The following AUTS2 variants were observed in gnomAD, a reference collection of about 807,000 sequenced individuals.
AUTS2 encodes activator of transcription and developmental regulator AUTS2, also known as autism susceptibility gene 2 protein.
Under a neutral mutation model 112.4 loss-of-function variants are expected in AUTS2, and 17 were observed. That is an observed-to-expected ratio of 0.15 (90% CI 0.10 to 0.23). The LOEUF is 0.23. AUTS2 is among the 10% of genes least tolerant of loss of function. The pLI, the probability that AUTS2 is intolerant of heterozygous loss-of-function variation, is 1.00. For missense variants in AUTS2, 1,510 were observed against 1,701.6 expected, an observed-to-expected ratio of 0.89 and a Z score of 1.98; for synonymous variants, 751 against 702.7, an observed-to-expected ratio of 1.07 and a Z score of -1.09.
Position 70,682,734 on chromosome 7 carries a change from C to G in AUTS2, c.691-15835C>G, listed in dbSNP as rs191791184. ...ATACAATGCTGCCATTAGGGCAGGGCTCTGCAGAGAAGCTTCCTCTCTGTT... is the reference window on the plus strand; with the variant it reads ...ATACAATGCTGCCATTAGGGCAGGGGTCTGCAGAGAAGCTTCCTCTCTGTT... On this transcript the variant is annotated intron_variant, in intron 5 of 18. Coordinates refer to ENST00000342771, the MANE Select transcript of AUTS2 (RefSeq NM_015570.4). 1.5e-3 allele frequency among the ~76,000 whole-genome samples: 235 copies of G among 152,336 alleles called. 1 individual carries two copies. Among genetic ancestry groups the G allele is most frequent in the African/African-American group, 5.5e-3 (229 of 41,570 alleles).
intron 4 of AUTS2, among the ~76,000 whole-genome samples, chr7:70,329,215 A>G (rs1790634401): frequency 6.6e-6 from 1 of 152,200 alleles, no homozygotes; most frequent in African/African-American, 2.4e-5. Flanking sequence ...CCTTTTGGCT[A>G]TTGTGAACAG....
intron 6 of AUTS2, among the ~76,000 whole-genome samples, chr7:70,753,316 G>T (rs1322223311): frequency 6.6e-6 from 1 of 152,114 alleles, no homozygotes; most frequent in Admixed American, 6.6e-5. Context: ...GCCCTCAGAG[G>T]TTTGTGATAC....
chr7:70,280,528 CCTTGTGATCCACCT>C (rs1788165968), intron 4 of AUTS2, among the ~76,000 whole-genome samples: 1 of 150,044 alleles, frequency 6.7e-6, no homozygotes, highest in South Asian at 2.1e-4. Context: ...GATCTTTTGA[CCTTGTGATCCACCT>C]GCCTCGGCCT....
intron 1 of AUTS2, among the ~76,000 whole-genome samples, chr7:69,727,419 G>A (rs1217185886): frequency 2.6e-5 from 4 of 151,708 alleles, no homozygotes; most frequent in Non-Finnish European, 4.4e-5. Context: ...GTGAAACCCC[G>A]TCTCTACTAA....
intron 5 of AUTS2, among the ~76,000 whole-genome samples, chr7:70,546,554 G>A (rs556335486): frequency 1.3e-4 from 20 of 152,228 alleles, no homozygotes; most frequent in African/African-American, 3.1e-4. Context: ...CAAGATGGGC[G>A]GATCACGAGG....
Position 70,070,146 on chromosome 7 carries a change from G to A in AUTS2, c.523-47986G>A, listed in dbSNP as rs1434377006. On this transcript the variant is annotated intron_variant, in intron 2 of 18. Coordinates refer to ENST00000342771, the MANE Select transcript of AUTS2 (RefSeq NM_015570.4). ...CGTTTCATGTTTTCTGGTATTCTGG[G>A]CCTCCCAATAGCCATTTGTGCCTAA... Among the ~76,000 whole-genome samples, 6 of 152,220 alleles carry A rather than the reference G, an allele frequency of 3.9e-5. No individual in the cohort carries two copies. The South Asian group carries it at 8.3e-4, about 21-fold the overall frequency.
chr7:70,451,800 T>C (rs1796545666), intron 5 of AUTS2, among the ~76,000 whole-genome samples: 3 of 152,178 alleles, frequency 2.0e-5, no homozygotes, highest in African/African-American at 7.2e-5. Flanking sequence ...TTTTAACATC[T>C]AACTTCCAGT....
chr7:69,640,108 A>G (rs138416632), intron 1 of AUTS2, among the ~76,000 whole-genome samples: 233 of 152,356 alleles, frequency 1.5e-3, no homozygotes, highest in Non-Finnish European at 2.1e-3. Context: ...GTTTTTCCAC[A>G]TGATCAAGTA....
intron 2 of AUTS2, among the ~76,000 whole-genome samples, chr7:70,052,420 T>C (rs1470367979): frequency 6.6e-6 from 1 of 152,186 alleles, no homozygotes; most frequent in Non-Finnish European, 1.5e-5. Context: ...ACAGATGGTA[T>C]TGTATCCATT....
chr7:70,574,529 C>G (rs1320093973), intron 5 of AUTS2, among the ~76,000 whole-genome samples: 2 of 152,142 alleles, frequency 1.3e-5, no homozygotes, highest in East Asian at 3.9e-4. Flanking sequence ...GTACAAGCAA[C>G]GTTTGAACTC....
chr7:70,364,128 T>C lies in AUTS2; in HGVS notation c.661-71624T>C, dbSNP rs1294827419. 2.0e-5 allele frequency among the ~76,000 whole-genome samples: 3 copies of C among 152,176 alleles called. No individual in the cohort carries two copies. The East Asian group carries it at 5.8e-4, about 29-fold the overall frequency. ...GGTGATCATATGCCTTCAAATATCATGTTGACAATTATCACGTTGATATGG... is the reference window on the plus strand; with the variant it reads ...GGTGATCATATGCCTTCAAATATCACGTTGACAATTATCACGTTGATATGG... On this transcript the variant is annotated intron_variant, in intron 4 of 18. Transcript: ENST00000342771.
At chr7:69,622,930 C>T (rs1793743704) in intron 1 of AUTS2, among the ~76,000 whole-genome samples, 2 of 152,170 alleles carry the variant, frequency 1.3e-5, no homozygotes, top group African/African-American at 4.8e-5. Flanking sequence ...ATTACCACAC[C>T]TGGATGGGTG....
chr7:70,568,834 G>A (rs1190059258), intron 5 of AUTS2, among the ~76,000 whole-genome samples: 1 of 152,240 alleles, frequency 6.6e-6, no homozygotes, highest in South Asian at 2.1e-4. Flanking sequence ...TTTGCAGAAT[G>A]CCAAGTAAGC....
intron 2 of AUTS2, among the ~76,000 whole-genome samples, chr7:69,932,527 T>C (rs1025419634): frequency 2.6e-5 from 4 of 152,250 alleles, no homozygotes; most frequent in African/African-American, 9.6e-5. Flanking sequence ...CAGTAAACTT[T>C]GGCTAAGATA....
At chr7:70,437,272 A>C (rs889866037) in intron 5 of AUTS2, 1 of 151,950 alleles carries the variant, frequency 6.6e-6, no homozygotes, top group Non-Finnish European at 1.5e-5. Flanking sequence ...TGGAAGTAGG[A>C]CTCCTGGTGT....
At chr7:70,313,281 G>T (rs2129615792) in intron 4 of AUTS2, among the ~76,000 whole-genome samples, 1 of 152,326 alleles carries the variant, frequency 6.6e-6, no homozygotes, top group South Asian at 2.1e-4. Context: ...GTTGTGCTAA[G>T]TATTAGCTGA....
chr7:70,577,349 G>A (rs1364679130), intron 5 of AUTS2, among the ~76,000 whole-genome samples: 1 of 152,100 alleles, frequency 6.6e-6, no homozygotes, highest in East Asian at 1.9e-4. Flanking sequence ...CATCTCCACT[G>A]TGCATACCCA....
At chr7:69,683,080 G>A (rs564683977) in intron 1 of AUTS2, among the ~76,000 whole-genome samples, 4 of 152,222 alleles carry the variant, frequency 2.6e-5, no homozygotes, top group African/African-American at 9.7e-5. Flanking sequence ...CCCATTGCTG[G>A]GGGGAATGCC....
At chr7:70,311,454 T>C (rs1376287033) in intron 4 of AUTS2, among the ~76,000 whole-genome samples, 1 of 152,230 alleles carries the variant, frequency 6.6e-6, no homozygotes, top group Non-Finnish European at 1.5e-5. Context: ...GTACTTGCAG[T>C]GTGGCTGACG....
Sources: allele counts gnomAD v4.1 joint callset (sites outside exome capture counted in the v4.1 genomes callset), GRCh38; gene constraint gnomAD v4.1.1; transcripts MANE v1.5; gene names NCBI Gene and HGNC (gene_info 2026-07-23, HGNC 2026-07-21).